Variants in ERBB4 observed in about 807,000 individuals in gnomAD.
The protein encoded by ERBB4 is receptor tyrosine-protein kinase erbB-4.
In ERBB4, 42 loss-of-function variants were observed where a neutral mutation model predicts 158.0. The ratio of observed to expected loss-of-function variants is 0.27; its 90% confidence interval spans 0.21 to 0.34. ERBB4 has a LOEUF of 0.34. ERBB4 is among the 10% of genes least tolerant of loss of function. ERBB4 has a pLI of 1.00. For missense variants in ERBB4, 1,333 were observed against 1,624.1 expected (o/e 0.82, Z 3.08); for synonymous variants, 583 against 558.7 (o/e 1.04, Z -0.61).
At chr2:211,479,882 C>T (rs2065040937) in intron 20 of ERBB4, among the ~76,000 whole-genome samples, 1 of 152,074 alleles carries the variant, frequency 6.6e-6, no homozygotes, top group Admixed American at 6.6e-5. Flanking sequence ...GTACAAATCT[C>T]ATATAATTAA....
At chr2:212,416,403 C>A (rs148798827) in intron 1 of ERBB4, among the ~76,000 whole-genome samples, 10 of 152,158 alleles carry the variant, frequency 6.6e-5, no homozygotes, top group Non-Finnish European at 7.4e-5. Flanking sequence ...CCACTGGAGC[C>A]TTGTGAAAAG....
intron 2 of ERBB4, among the ~76,000 whole-genome samples, chr2:212,053,424 C>T (rs1478215395): frequency 6.6e-6 from 1 of 152,140 alleles, no homozygotes; most frequent in African/African-American, 2.4e-5. Context: ...TTCCCTTCCT[C>T]CTCTGCCACC....
At chr2:211,454,224 G>A (rs2064323509) in intron 20 of ERBB4, among the ~76,000 whole-genome samples, 1 of 152,028 alleles carries the variant, frequency 6.6e-6, no homozygotes, top group Non-Finnish European at 1.5e-5. Flanking sequence ...ATTATGTATT[G>A]ACTAAATATG....
At chr2:211,622,990 A>T (rs10932389) in intron 18 of ERBB4, among the ~76,000 whole-genome samples, 20 of 21,870 alleles carry the variant, frequency 9.1e-4, no homozygotes, top group African/African-American at 2.0e-3. Context: ...AAAAAAAAAA[A>T]ATATATATAT....
At chr2:211,608,745 A>G (rs1321987086) in intron 19 of ERBB4, among the ~76,000 whole-genome samples, 2 of 152,096 alleles carry the variant, frequency 1.3e-5, no homozygotes, top group African/African-American at 4.8e-5. Context: ...ATTTTCCACT[A>G]TACTCCATTT....
At chr2:211,606,509 TTCTC>T (rs1282701000) in intron 19 of ERBB4, among the ~76,000 whole-genome samples, 3 of 152,068 alleles carry the variant, frequency 2.0e-5, no homozygotes, top group Non-Finnish European at 4.4e-5. Flanking sequence ...AAGAGTGGGT[TTCTC>T]TCTAATAAAC....
chr2:212,274,455 C>T (rs1176419803), intron 1 of ERBB4, among the ~76,000 whole-genome samples: 1 of 151,842 alleles, frequency 6.6e-6, no homozygotes, highest in Non-Finnish European at 1.5e-5. Flanking sequence ...TGATTAGCAT[C>T]ACATGGCATG....
At chr2:211,817,277 G>T (rs979036962) in intron 3 of ERBB4, among the ~76,000 whole-genome samples, 1 of 152,130 alleles carries the variant, frequency 6.6e-6, no homozygotes, top group African/African-American at 2.4e-5. Context: ...ATAGATTTAG[G>T]CAAGTCCTCA....
chr2:211,564,798 A>G (rs1212168654), intron 19 of ERBB4, among the ~76,000 whole-genome samples: 1 of 152,248 alleles, frequency 6.6e-6, no homozygotes, highest in Non-Finnish European at 1.5e-5. Flanking sequence ...ACAAACGGAA[A>G]TAGCAGCCAG....
At chr2:211,672,523 C>T (rs972560487) in intron 14 of ERBB4, among the ~76,000 whole-genome samples, 16 of 152,166 alleles carry the variant, frequency 1.1e-4, no homozygotes, top group Admixed American at 9.2e-4. Flanking sequence ...CTTGGATTCT[C>T]ATAGCTCAAT....
chr2:211,426,298 T>G (rs1442855278), intron 22 of ERBB4, among the ~76,000 whole-genome samples: 1 of 152,178 alleles, frequency 6.6e-6, no homozygotes, highest in Non-Finnish European at 1.5e-5. Flanking sequence ...TGCAATTCCT[T>G]TATCTTAAGA....
At chr2:211,653,846 T>G (rs1233076084) in intron 16 of ERBB4, among the ~76,000 whole-genome samples, 1 of 151,912 alleles carries the variant, frequency 6.6e-6, no homozygotes, top group Admixed American at 6.6e-5. Flanking sequence ...GGCTAATTTT[T>G]TGTATTTTTA....
At chr2:211,435,612 C>T (rs1025483863) in intron 20 of ERBB4, among the ~76,000 whole-genome samples, 3 of 152,104 alleles carry the variant, frequency 2.0e-5, no homozygotes, top group African/African-American at 7.2e-5. Flanking sequence ...AGATTAGCGG[C>T]GGCAGCATTA....
intron 1 of ERBB4, among the ~76,000 whole-genome samples, chr2:212,412,355 T>C (rs1574870069): frequency 6.6e-6 from 1 of 152,336 alleles, no homozygotes; most frequent in East Asian, 1.9e-4. Context: ...GTTTCCCTCA[T>C]GAATGGCTTA....
intron 15 of ERBB4, among the ~76,000 whole-genome samples, chr2:211,663,658 G>C (rs1414145903): frequency 1.3e-5 from 2 of 152,096 alleles, no homozygotes; most frequent in Admixed American, 6.5e-5. Flanking sequence ...CATGCATCCA[G>C]ACTATGGCTC....
chr2:211,424,775 T>TAAAG (rs2063589280), intron 22 of ERBB4, among the ~76,000 whole-genome samples: 1 of 151,494 alleles, frequency 6.6e-6, no homozygotes, highest in Admixed American at 6.6e-5. Context: ...TATGTTACAA[T>TAAAG]AAAGAATTGT....
chr2:211,396,473 T>A (rs955676367), intron 25 of ERBB4, among the ~76,000 whole-genome samples: 1 of 152,166 alleles, frequency 6.6e-6, no homozygotes, highest in African/African-American at 2.4e-5. Context: ...AAGGCAACAG[T>A]GAAATATTCA....
chr2:211,862,202 C>T (rs2106081992), intron 3 of ERBB4, among the ~76,000 whole-genome samples: 1 of 152,202 alleles, frequency 6.6e-6, no homozygotes, highest in African/African-American at 2.4e-5. Flanking sequence ...CAAGCTAGAA[C>T]TCAAATTTTC....
chr2:211,870,389 A>C (rs2078315144), intron 3 of ERBB4, among the ~76,000 whole-genome samples: 2 of 152,148 alleles, frequency 1.3e-5, no homozygotes, highest in South Asian at 4.1e-4. Flanking sequence ...AATCATTCAT[A>C]TTCTAGACAC....
Sources: gnomAD v4.1 joint callset for allele counts (sites outside exome capture counted in the v4.1 genomes callset) on GRCh38, gnomAD v4.1.1 for gene constraint, MANE v1.5 for transcripts, NCBI Gene and HGNC (gene_info 2026-07-23, HGNC 2026-07-21) for gene names.